Variants in LRRC41 observed in about 807,000 individuals in gnomAD.
The protein encoded by LRRC41 is leucine rich repeat containing 41, also known as leucine-rich repeat-containing protein 41.
Under a neutral mutation model 72.1 loss-of-function variants are expected in LRRC41, and 17 were observed. The ratio of observed to expected loss-of-function variants is 0.24; its 90% CI spans 0.16 to 0.35. LRRC41 has a LOEUF of 0.35. LRRC41 is among the 10% of genes least tolerant of loss of function. LRRC41 has a pLI of 1.00. For missense variants in LRRC41, 759 were observed against 1,065.0 expected (o/e 0.71, Z 4.00); for synonymous variants, 427 against 431.0 (o/e 0.99, Z 0.11).
chr1:46,286,560 C>A lies in LRRC41; in HGVS notation c.358-61G>T. 4 of 1,480,478 alleles carry A rather than the reference C, an allele frequency of 2.7e-6. No individual in the cohort carries two copies. Among genetic ancestry groups the A allele is most frequent in the South Asian group, 2.7e-5 (2 of 74,820 alleles). 91.7% of individuals were successfully genotyped at this position (1,480,478 alleles called of 1,614,324 possible). The stretch of plus-strand genomic sequence containing the variant: ...TATCCATGAAACTGTCCAAATTTCC[C>A]TCTCTTCCAATAGCACACTATTTAC... On this transcript the variant is annotated intron_variant, in intron 3 of 9. Transcript: ENST00000617190. This position sits in a 1 kb window ranked among gnomAD's most constrained non-coding sequence, Gnocchi z 5.5.
At position 46,281,156 on chromosome 1, in the gene LRRC41, AG is replaced by A. The variant is rs1660766659; in HGVS notation, c.1724del (p.Pro575LeufsTer4). On this transcript the variant is annotated frameshift_variant, in exon 5 of 10. Transcript: ENST00000617190. LOFTEE classifies it high-confidence loss of function. ...NPGVPGNAGPPSHIIGDEEIP... is the reference protein window; with the variant it reads ...NPGVPGNAGPXSHIIGDEEIP... ...TCTCCTCATCGCCTATTATGTGGCTAGGGGGCCCTGCATTCCCTGGCACACC... is the reference window on the plus strand; with the variant it reads ...TCTCCTCATCGCCTATTATGTGGCTAGGGGCCCTGCATTCCCTGGCACACC... The A allele has an allele frequency of 1.2e-6, 2 of 1,613,880 alleles. No homozygotes were observed. Among genetic ancestry groups the A allele is most frequent in the African/African-American group, 1.3e-5 (1 of 74,910 alleles).
chr1:46,288,552 T>C (rs1660931198), intron 3 of LRRC41, among the ~76,000 whole-genome samples: 2 of 152,148 alleles, frequency 1.3e-5, no homozygotes, highest in African/African-American at 4.8e-5. Flanking sequence ...GGGCCTGAGG[T>C]TCCCCAAGAC....
In LRRC41 at chr1:46,291,552, G is replaced by GTTTTTTT. The variant is rs1219656700; in HGVS notation, c.358-5060_358-5054dup. On this transcript the variant is annotated intron_variant, in intron 3 of 9. Transcript: ENST00000617190. The stretch of plus-strand genomic sequence containing the variant: ...AGGTCTCACTGTGTTGCCCCAGCTG[G>GTTTTTTT]TTTTTTTTTTTTTTTTTTTTTTTTT... Among the ~76,000 whole-genome samples the GTTTTTTT allele has an allele frequency of 1.1e-3, 90 of 84,948 alleles. 2 individuals are homozygous for GTTTTTTT. The highest frequency in any genetic ancestry group is 1.5e-3 in the Non-Finnish European group (68 of 45,130). 55.7% of individuals were successfully genotyped at this position (84,948 alleles called of 152,430 possible). A position where few individuals can be genotyped will look rare whatever the true frequency, so the allele number is the denominator to read the frequency against.
intron 3 of LRRC41, among the ~76,000 whole-genome samples, chr1:46,290,928 T>G (rs1031965867): frequency 2.1e-5 from 3 of 145,858 alleles, no homozygotes; most frequent in South Asian, 2.2e-4. Context: ...TTTTTTTTTT[T>G]TTTTTTTTTT....
chr1:46,279,694 A>C lies in LRRC41; in HGVS notation c.2021-80T>G. 1 of 1,566,492 alleles carries C rather than the reference A, an allele frequency of 6.4e-7. No homozygotes were observed. Among genetic ancestry groups the C allele is most frequent in the East Asian group, 2.2e-5 (1 of 44,642 alleles). On this transcript the variant is annotated intron_variant, in intron 7 of 9. Transcript: ENST00000617190. The surrounding 1 kb of genome is among the most constrained non-coding windows in gnomAD (Gnocchi z 4.5). ...CCTCCTGCCCCAGTTGGCCCTAGCA[A>C]GGGGTATTAACATTATAGAGGCCCA... is the stretch of plus-strand genomic sequence containing the variant.
rs758361480 is a variant in LRRC41, at chr1:46,286,304, G to C, written c.553C>G (p.Arg185Gly). Residue 185 changes from arginine to glycine, a missense_variant, in exon 4 of 10, where the codon CGC becomes GGC. Arg to Gly is a moderately radical substitution (Grantham distance 125, BLOSUM62 -2). Coordinates refer to ENST00000617190, the MANE Select transcript of LRRC41 (RefSeq NM_006369.5). The surrounding 1 kb of genome is among the most constrained non-coding windows in gnomAD (Gnocchi z 5.5). Reference sequence around the variant, plus strand: ...CTGGCCAGGGTCTCCAGAACCCTGCGGTTGGGCTCAGCCACCAGCTCGGTT... The same window carrying C: ...CTGGCCAGGGTCTCCAGAACCCTGCCGTTGGGCTCAGCCACCAGCTCGGTT... Reference protein sequence around the residue: ...GATELVAEPNRRVLETLASSL... With the variant: ...GATELVAEPNGRVLETLASSL... 1 of 1,614,220 alleles carries C rather than the reference G, an allele frequency of 6.2e-7. No individual in the cohort carries two copies.
Position 46,278,309 on chromosome 1 carries a change from T to TA in LRRC41, c.*555dup. The TA allele has an allele frequency of 3.1e-6, 5 of 1,590,104 alleles. No individual in the cohort carries two copies. The highest frequency in any genetic ancestry group is 1.8e-5 in the Admixed American group (1 of 56,964). ...AACCAGCTGGTCTGGGTGTAGCTCTTAGAGGAAGGAGATAGGGAAAAGGGG... is the reference window on the plus strand; with the variant it reads ...AACCAGCTGGTCTGGGTGTAGCTCTTAAGAGGAAGGAGATAGGGAAAAGGGG... On this transcript the variant is annotated 3_prime_UTR_variant, in exon 10 of 10. Coordinates refer to ENST00000617190, the MANE Select transcript of LRRC41 (RefSeq NM_006369.5).
Position 46,297,590 on chromosome 1 carries a change from C to A in LRRC41, c.330G>T (p.Leu110=). ...QAIWRRLWDE[L]MKTRPSSLES... ...CCAAACTGGAAGGCCTTGTCTTCAT[C>A]AGTTCATCCCAGAGTCGGCGCCAGA... Residue 110 remains leucine, a synonymous_variant, in exon 3 of 10, where the codon CTG becomes CTT. Coordinates refer to ENST00000617190, the MANE Select transcript of LRRC41 (RefSeq NM_006369.5). The A allele has an allele frequency of 6.2e-7, 1 of 1,614,174 alleles. No homozygotes were observed. The highest frequency in any genetic ancestry group is 8.5e-7 in the Non-Finnish European group (1 of 1,179,978).
chr1:46,277,945 C>G lies in LRRC41; in HGVS notation c.*920G>C. 1.9e-6 allele frequency: 3 copies of G among 1,614,108 alleles called. No homozygotes were observed. The highest frequency in any genetic ancestry group is 2.5e-6 in the Non-Finnish European group (3 of 1,180,046). ...TGGGCGAGTTGAAGGAGCTGTTTAT[C>G]CTGGATGAAGCTAGCCTCAGTGACA... On this transcript the variant is annotated 3_prime_UTR_variant, in exon 10 of 10. Transcript: ENST00000617190.
Position 46,285,335 on chromosome 1 carries a change from C to T in LRRC41, c.1495+27G>A, listed in dbSNP as rs760236540. ...CTGGTGCTGCTAGGCAATCTAAGCC[C>T]AATCCCTGCCACTCCAGGGTGCTCA... On this transcript the variant is annotated intron_variant, in intron 4 of 9. Transcript: ENST00000617190. This position sits in a 1 kb window ranked among gnomAD's most constrained non-coding sequence, Gnocchi z 5.3. The T allele has an allele frequency of 8.7e-6, 14 of 1,610,548 alleles. No homozygotes were observed. The East Asian group carries it at 3.1e-4, about 36-fold the overall frequency.
intron 4 of LRRC41, 48 bp from the exon 5 acceptor site, chr1:46,281,433 G>A (rs1209851404): frequency 6.3e-7 from 1 of 1,576,652 alleles, no homozygotes; most frequent in East Asian, 2.2e-5. Context: ...AGTGTCAGCA[G>A]GGGTAATATA....
In LRRC41 at chr1:46,281,128, G is replaced by A; in HGVS notation, c.1753C>T (p.Pro585Ser). The A allele has an allele frequency of 6.2e-7, 1 of 1,613,778 alleles. No homozygotes were observed. Among genetic ancestry groups the A allele is most frequent in the Non-Finnish European group, 8.5e-7 (1 of 1,179,806 alleles). ...PSHIIGDEEIPENCLEQLEMG... is the reference protein window; with the variant it reads ...PSHIIGDEEISENCLEQLEMG... The stretch of plus-strand genomic sequence containing the variant: ...AAACACACACACAGTGCTTCACCTG[G>A]TATCTCCTCATCGCCTATTATGTGG... Residue 585 changes from proline to serine, a missense_variant, in exon 5 of 10, where the codon CCA (proline) becomes TCA (serine). Physicochemically the swap from Pro to Ser is moderately conservative, Grantham distance 74 (BLOSUM62 -1). Coordinates refer to ENST00000617190, the MANE Select transcript of LRRC41 (RefSeq NM_006369.5).
At position 46,280,256 on chromosome 1, in the gene LRRC41, A is replaced by T; in HGVS notation, c.1956T>A (p.His652Gln). The change falls in exon 7 of 10, where the codon CAT becomes CAA. Residue 652 changes from histidine to glutamine, a missense_variant. His to Gln is a conservative substitution (Grantham distance 24). Transcript: ENST00000617190. The part of the protein sequence containing the change: ...YNLALKRLSF[H>Q]DMNLADCQSE... ...TCTGACAGTCAGCGAGATTCATGTCATGGAAGCTCAGTCTTTTCAGGGCTA... is the reference window on the plus strand; with the variant it reads ...TCTGACAGTCAGCGAGATTCATGTCTTGGAAGCTCAGTCTTTTCAGGGCTA... The T allele has an allele frequency of 6.2e-7, 1 of 1,612,544 alleles. No individual in the cohort carries two copies. The highest frequency in any genetic ancestry group is 8.5e-7 in the Non-Finnish European group (1 of 1,178,546).
Position 46,278,931 on chromosome 1 carries a change from G to C in LRRC41, c.2373C>G (p.Thr791=), listed in dbSNP as rs1336632063. 1.2e-6 allele frequency: 2 copies of C among 1,613,748 alleles called. No homozygotes were observed. The highest frequency in any genetic ancestry group is 2.7e-5 in the African/African-American group (2 of 74,936). ...CCCATGAGTCGCTAACCACATGGCA[G>C]GTAGCCCGGAGCCGCCGGATGGCTT... ...AREAIRRLRA[T]CHVVSDSWDS... is the part of the protein sequence containing the mutation. Residue 791 remains threonine, a synonymous_variant, in exon 10 of 10, where the codon ACC becomes ACG. Coordinates refer to ENST00000617190, the MANE Select transcript of LRRC41 (RefSeq NM_006369.5).
intron 1 of LRRC41, among the ~76,000 whole-genome samples, chr1:46,301,766 C>T (rs1161742548): frequency 3.3e-5 from 5 of 152,142 alleles, no homozygotes; most frequent in Non-Finnish European, 5.9e-5. Context: ...CCACGGCCAC[C>T]CGCAAGGCCT....
At position 46,303,440 on chromosome 1, in the gene LRRC41, T is replaced by G; in HGVS notation, c.-118A>C. 9.8e-7 allele frequency: 1 copy of G among 1,023,540 alleles called. No individual in the cohort carries two copies. Among genetic ancestry groups the G allele is most frequent in the South Asian group, 1.8e-5 (1 of 57,022 alleles). The allele number at this position is 1,023,540 out of a possible 1,614,324, so 63.4% of individuals were successfully genotyped here. A position where few individuals can be genotyped will look rare whatever the true frequency, so the allele number is the denominator to read the frequency against. The stretch of plus-strand genomic sequence containing the variant: ...AGAATGTGAATTATTCTAAAGAAAT[T>G]TCGAAGAAATTAGCACACTTTCCAA... On this transcript the variant is annotated 5_prime_UTR_variant, in exon 1 of 10. Transcript: ENST00000617190.
intron 3 of LRRC41, among the ~76,000 whole-genome samples, chr1:46,292,667 C>A (rs1248773014): frequency 6.6e-6 from 1 of 152,204 alleles, no homozygotes; most frequent in East Asian, 1.9e-4. Flanking sequence ...CAAATCCTTA[C>A]TCATTTTATT....
Position 46,279,150 on chromosome 1 carries a change from CCATCCCTTGTCT to C in LRRC41, c.2219+20_2219+31del, listed in dbSNP as rs754270492. ...ATTCCTGGTCTATATCTCTGTAGCCCCATCCCTTGTCTTGCCCCTCCCCTCATGTACCTGATG... is the reference window on the plus strand; with the variant it reads ...ATTCCTGGTCTATATCTCTGTAGCCCTGCCCCTCCCCTCATGTACCTGATG... On this transcript the variant is annotated intron_variant, in intron 9 of 9. Transcript: ENST00000617190. The surrounding 1 kb of genome is among the most constrained non-coding windows in gnomAD (Gnocchi z 4.5). 1 of 1,612,880 alleles carries C rather than the reference CCATCCCTTGTCT, an allele frequency of 6.2e-7. No homozygotes were observed. The highest frequency in any genetic ancestry group is 8.5e-7 in the Non-Finnish European group (1 of 1,179,014).
chr1:46,279,577 G>T lies in LRRC41; in HGVS notation c.2058C>A (p.Arg686=), dbSNP rs2148311149. The T allele has an allele frequency of 6.2e-7, 1 of 1,614,160 alleles. No individual in the cohort carries two copies. Among genetic ancestry groups the T allele is most frequent in the Middle Eastern group, 1.6e-4 (1 of 6,062 alleles). Residue 686 remains arginine (R), a synonymous_variant, in exon 8 of 10, where the codon CGC becomes CGA. Coordinates refer to ENST00000617190, the MANE Select transcript of LRRC41 (RefSeq NM_006369.5). This position sits in a 1 kb window ranked among gnomAD's most constrained non-coding sequence, Gnocchi z 4.5. ...CCATCTCAGGCAGAAATTGGGCTGG[G>T]CGCTTCTCAAACAGACGGCAGAAGG... ...TFSFCRLFEK[R]PAQFLPEMVA... is the part of the protein sequence containing the mutation.
Sources: allele counts gnomAD v4.1 joint callset (sites outside exome capture counted in the v4.1 genomes callset), GRCh38; gene constraint gnomAD v4.1.1; non-coding constraint Gnocchi (gnomAD v3.1); transcripts MANE v1.5; gene names NCBI Gene and HGNC (gene_info 2026-07-23, HGNC 2026-07-21).